The following PRKCE variants were observed in gnomAD, a reference collection of about 807,000 sequenced individuals.
PRKCE encodes protein kinase C epsilon type.
PRKCE carries 16 observed loss-of-function variants against 85.4 expected under a neutral mutation model. The observed-to-expected ratio is 0.19, with a 90% CI of 0.13 to 0.28. The LOEUF (loss-of-function observed/expected upper bound fraction) is 0.28, where lower values mean the gene tolerates loss of function less well. PRKCE is among the 10% of genes least tolerant of loss of function. The pLI is 1.00. For synonymous variants in PRKCE, 388 were observed against 371.5 expected (o/e 1.04, Z -0.51); for missense variants, 573 against 975.2 (o/e 0.59, Z 5.49).
chr2:45,990,561 A>G (rs1703709391), intron 6 of PRKCE, among the ~76,000 whole-genome samples: 1 of 152,046 alleles, frequency 6.6e-6, no homozygotes, highest in South Asian at 2.1e-4. Context: ...TACCCTGACC[A>G]CTGGGTAGCT....
At position 46,146,915 on chromosome 2, in the gene PRKCE, C is replaced by T. The variant is rs548302951; in HGVS notation, c.1731+1684C>T. On this transcript the variant is annotated intron_variant, in intron 12 of 14. Transcript: ENST00000306156. ...AAGACCCAGTGAATGTGGCTTTGATCCTGTAGGATCTGTGGACCCACTCAG... is the reference window on the plus strand; with the variant it reads ...AAGACCCAGTGAATGTGGCTTTGATTCTGTAGGATCTGTGGACCCACTCAG... 4.6e-5 allele frequency among the ~76,000 whole-genome samples: 7 copies of T among 152,252 alleles called. 1 individual carries two copies. The South Asian group carries it at 1.2e-3, about 27-fold the overall frequency.
In PRKCE at chr2:45,652,490, G is replaced by C; in HGVS notation, c.348+42G>C. 1.3e-6 allele frequency: 2 copies of C among 1,519,330 alleles called. No homozygotes were observed. The highest frequency in any genetic ancestry group is 1.8e-6 in the Non-Finnish European group (2 of 1,125,380). The allele number at this position is 1,519,330 out of a possible 1,614,324, so 94.1% of individuals were successfully genotyped here. A position where few individuals can be genotyped will look rare whatever the true frequency, so the allele number is the denominator to read the frequency against. ...CCCGTCATTCCGGGAACCCGGTTGT[G>C]GGGTCCCGGGGAAAGACTCGCTGGT... On this transcript the variant is annotated intron_variant, in intron 1 of 14. Coordinates refer to ENST00000306156, the MANE Select transcript of PRKCE (RefSeq NM_005400.3). This position sits in a 1 kb window ranked among gnomAD's most constrained non-coding sequence, Gnocchi z 7.7.
intron 1 of PRKCE, among the ~76,000 whole-genome samples, chr2:45,781,187 A>T (rs190780290): frequency 2.4e-3 from 371 of 152,090 alleles, no homozygotes; most frequent in South Asian, 4.6e-3. Context: ...TAATAATAAA[A>T]AAAAAAGCCT....
chr2:45,706,288 A>T (rs1227401438), intron 1 of PRKCE, among the ~76,000 whole-genome samples: 1 of 152,190 alleles, frequency 6.6e-6, no homozygotes, highest in Non-Finnish European at 1.5e-5. Flanking sequence ...ATTGCCTTAG[A>T]CACTCAATGG....
chr2:45,975,437 C>T (rs1264510091), intron 2 of PRKCE, among the ~76,000 whole-genome samples: 1 of 152,106 alleles, frequency 6.6e-6, no homozygotes, highest in East Asian at 1.9e-4. Context: ...GCTGAGGGCC[C>T]TCTTCCTTGC....
At chr2:45,738,000 C>T (rs546084761) in intron 1 of PRKCE, among the ~76,000 whole-genome samples, 1 of 152,194 alleles carries the variant, frequency 6.6e-6, no homozygotes, top group South Asian at 2.1e-4. Context: ...TGCTCAACAC[C>T]TCCTGGCAGG....
chr2:45,678,833 G>A (rs1676670234), intron 1 of PRKCE, among the ~76,000 whole-genome samples: 1 of 152,130 alleles, frequency 6.6e-6, no homozygotes, highest in African/African-American at 2.4e-5. Context: ...CAAGTATAAT[G>A]AAGAGATACA....
intron 1 of PRKCE, among the ~76,000 whole-genome samples, chr2:45,691,184 G>A (rs1319873457): frequency 6.6e-6 from 1 of 152,178 alleles, no homozygotes; most frequent in Non-Finnish European, 1.5e-5. Flanking sequence ...GGGCTGGGCG[G>A]TTCTCCATTA....
chr2:45,955,575 T>G, intron 2 of PRKCE, among the ~76,000 whole-genome samples: 1 of 152,212 alleles, frequency 6.6e-6, no homozygotes, highest in East Asian at 1.9e-4. Context: ...TCCCAGCTAC[T>G]TCAGAGTTTG....
intron 1 of PRKCE, among the ~76,000 whole-genome samples, chr2:45,822,460 C>T (rs1246128770): frequency 6.6e-6 from 1 of 152,248 alleles, no homozygotes; most frequent in East Asian, 1.9e-4. Flanking sequence ...GTCCTGCCTG[C>T]AGGGTCGTGG....
intron 1 of PRKCE, among the ~76,000 whole-genome samples, chr2:45,662,597 T>A (rs1000793513): frequency 2.0e-5 from 3 of 152,136 alleles, no homozygotes; most frequent in African/African-American, 7.2e-5. Flanking sequence ...ATTCTGGGCC[T>A]TGGCTACGGT....
chr2:46,020,698 G>A (rs1317349137), intron 10 of PRKCE, among the ~76,000 whole-genome samples: 1 of 152,222 alleles, frequency 6.6e-6, no homozygotes, highest in Non-Finnish European at 1.5e-5. Flanking sequence ...TAACTGGGAT[G>A]TCACACTACT....
At chr2:46,057,877 A>C (rs1558404052) in intron 10 of PRKCE, among the ~76,000 whole-genome samples, 1 of 152,180 alleles carries the variant, frequency 6.6e-6, no homozygotes, top group Non-Finnish European at 1.5e-5. Context: ...ACTTGTGAAA[A>C]GATCTGAGTA....
chr2:46,038,427 A>G (rs1434349270), intron 10 of PRKCE, among the ~76,000 whole-genome samples: 1 of 152,108 alleles, frequency 6.6e-6, no homozygotes, highest in Non-Finnish European at 1.5e-5. Flanking sequence ...TCCCTGCTGC[A>G]TGTTTACTTA....
chr2:46,086,380 C>T lies in PRKCE; in HGVS notation c.1592+18C>T. The T allele has an allele frequency of 1.3e-6, 2 of 1,590,776 alleles. No homozygotes were observed. Among genetic ancestry groups the T allele is most frequent in the African/African-American group, 1.3e-5 (1 of 74,646 alleles). On this transcript the variant is annotated intron_variant, in intron 11 of 14. Transcript: ENST00000306156. ...ATCTACAGGTAGCCTCTTCTCTCCT[C>T]CTCTTTCCTGAAAGTGAAGAAAATA...
At chr2:46,088,014 T>C (rs1223961298) in intron 11 of PRKCE, among the ~76,000 whole-genome samples, 2 of 152,180 alleles carry the variant, frequency 1.3e-5, no homozygotes, top group African/African-American at 2.4e-5. Context: ...AGTCAGATGA[T>C]TAGGATCCTT....
At chr2:46,180,169 C>A (rs1679827785) in intron 14 of PRKCE, among the ~76,000 whole-genome samples, 1 of 152,068 alleles carries the variant, frequency 6.6e-6, no homozygotes. Flanking sequence ...GCTCAAGCAG[C>A]CCTGGAGGGA....
chr2:45,878,357 A>C (rs1240584330), intron 2 of PRKCE, among the ~76,000 whole-genome samples: 3 of 152,184 alleles, frequency 2.0e-5, no homozygotes, highest in Non-Finnish European at 4.4e-5. Context: ...TTAGGGCTTG[A>C]ATATCTCAAG....
At chr2:45,811,571 T>A (rs1336238784) in intron 1 of PRKCE, among the ~76,000 whole-genome samples, 2 of 152,246 alleles carry the variant, frequency 1.3e-5, no homozygotes, top group Non-Finnish European at 2.9e-5. Context: ...ATTTGTACCA[T>A]GTTCATGTTA....
Sources: allele counts gnomAD v4.1 joint callset (sites outside exome capture counted in the v4.1 genomes callset), GRCh38; gene constraint gnomAD v4.1.1; non-coding constraint Gnocchi (gnomAD v3.1); transcripts MANE v1.5; gene names NCBI Gene and HGNC (gene_info 2026-07-23, HGNC 2026-07-21).